Variants in ABCE1 observed in about 807,000 individuals in gnomAD.
ABCE1 encodes ATP-binding cassette sub-family E member 1.
A neutral mutation model predicts 83.4 loss-of-function variants in ABCE1; 22 were observed. The ratio of observed to expected loss-of-function variants is 0.26; its 90% CI spans 0.19 to 0.38. ABCE1 has a LOEUF of 0.38. Ranked by LOEUF, ABCE1 falls within the 10% of genes least tolerant of loss-of-function variation. The pLI is 1.00. For synonymous variants in ABCE1, 204 were observed against 233.7 expected (o/e 0.87, Z 1.16); for missense variants, 330 against 721.9 (o/e 0.46, Z 6.22).
intron 5 of ABCE1, 59 bp from the exon 6 acceptor site, chr4:145,110,044 T>C: frequency 7.8e-6 from 11 of 1,406,640 alleles, no homozygotes; most frequent in Non-Finnish European, 9.6e-6. Context: ...GTAGCATTCA[T>C]CCTCTTTGTC....
intron 4 of ABCE1, among the ~76,000 whole-genome samples, chr4:145,108,493 C>G (rs1001656349): frequency 2.0e-5 from 3 of 152,104 alleles, no homozygotes; most frequent in South Asian, 2.1e-4. Flanking sequence ...TTTTGTTTAT[C>G]CATTAATCTT....
At chr4:145,126,599 TTC>T (rs1749895058) in intron 17 of ABCE1, among the ~76,000 whole-genome samples, 1 of 152,182 alleles carries the variant, frequency 6.6e-6, no homozygotes, top group Non-Finnish European at 1.5e-5. Flanking sequence ...TGGCCATCAT[TTC>T]TGTTTTTAAT....
At chr4:145,110,922 G>A in intron 7 of ABCE1, 46 bp from the exon 8 acceptor site, 3 of 1,299,798 alleles carry the variant, frequency 2.3e-6, no homozygotes, top group South Asian at 1.3e-5. Context: ...TTTTTACCTG[G>A]AAGAGGTGAA....
At chr4:145,110,703 C>A in intron 7 of ABCE1, 1 of 542,926 alleles carries the variant, frequency 1.8e-6, no homozygotes, top group Non-Finnish European at 3.2e-6. Flanking sequence ...TCTCGAACTC[C>A]CACCTGCCTC....
At chr4:145,109,953 G>C (rs571664840) in intron 5 of ABCE1, 150 bp from the exon 6 acceptor site, 2 of 668,146 alleles carry the variant, frequency 3.0e-6, no homozygotes, top group South Asian at 5.4e-5. Flanking sequence ...ATAGGGAAAT[G>C]AGACTTTTAT....
intron 3 of ABCE1, among the ~76,000 whole-genome samples, chr4:145,106,526 C>G (rs1010700646): frequency 6.6e-6 from 1 of 151,868 alleles, no homozygotes; most frequent in Non-Finnish European, 1.5e-5. Context: ...AGTATCTATT[C>G]TGTTTTCTCT....
intron 11 of ABCE1, among the ~76,000 whole-genome samples, chr4:145,120,582 T>C (rs900126285): frequency 1.3e-5 from 2 of 152,074 alleles, no homozygotes; most frequent in Admixed American, 6.5e-5. Flanking sequence ...AATAATTGTA[T>C]TACCAGCATA....
chr4:145,123,730 C>G, intron 16 of ABCE1, 130 bp downstream of exon 16: 1 of 922,250 alleles, frequency 1.1e-6, no homozygotes, highest in Non-Finnish European at 1.6e-6. Flanking sequence ...CTCCTGAGAT[C>G]ATTGGTATTG....
chr4:145,109,278 TATC>T, intron 5 of ABCE1, 29 bp downstream of exon 5: 2 of 1,343,316 alleles, frequency 1.5e-6, no homozygotes, highest in East Asian at 2.4e-5. Context: ...TAAAAATTAA[TATC>T]ATGAGTCAGT....
At chr4:145,110,776 T>A (rs1749449310) in intron 7 of ABCE1, 192 bp from the exon 8 acceptor site, 1 of 557,022 alleles carries the variant, frequency 1.8e-6, no homozygotes, top group South Asian at 2.5e-5. Context: ...TGTGTATATA[T>A]TTCAATAGGC....
rs375365194 is a variant in ABCE1, at chr4:145,127,252, CAT to C, written c.1753-272_1753-271del. Reference sequence around the variant, plus strand: ...AATAGTTTTCCTAGAAATAATAACACATAGCAAAATTTTATATATGTGAGGCA... The same window carrying C: ...AATAGTTTTCCTAGAAATAATAACACAGCAAAATTTTATATATGTGAGGCA... On this transcript the variant is annotated intron_variant, in intron 17 of 17. Transcript: ENST00000296577. Among the ~76,000 whole-genome samples, 6 of 152,254 alleles carry C rather than the reference CAT, an allele frequency of 3.9e-5. No homozygotes were observed. The East Asian group carries it at 7.7e-4, about 20-fold the overall frequency.
chr4:145,126,066 A>G (rs1286416305), intron 17 of ABCE1, among the ~76,000 whole-genome samples: 1 of 152,102 alleles, frequency 6.6e-6, no homozygotes, highest in African/African-American at 2.4e-5. Context: ...AACCCCCGCA[A>G]AAAAAGTATA....
At chr4:145,124,559 A>G (rs542117512) in intron 16 of ABCE1, among the ~76,000 whole-genome samples, 155 of 152,306 alleles carry the variant, frequency 1.0e-3, no homozygotes, top group African/African-American at 3.4e-3. Context: ...TTAGAAAGGA[A>G]TTGTCACTGA....
Position 145,124,977 on chromosome 4 carries a change from T to C in ABCE1, c.1641-13T>C, listed in dbSNP as rs1749840921. 6.4e-7 allele frequency: 1 copy of C among 1,562,772 alleles called. No homozygotes were observed. On this transcript the variant is annotated splice_polypyrimidine_tract_variant and intron_variant, in intron 16 of 17. Coordinates refer to ENST00000296577, the MANE Select transcript of ABCE1 (RefSeq NM_002940.3). ...TAAAATTTAATCAAAATTGATTTTT[T>C]TTTTTCTCTTAGTCCTCAAACCCTT...
intron 5 of ABCE1, 65 bp from the exon 6 acceptor site, chr4:145,110,038 C>G: frequency 7.3e-7 from 1 of 1,361,620 alleles, no homozygotes; most frequent in South Asian, 1.5e-5. Context: ...TTTCCTGTAG[C>G]ATTCATCCTC....
At chr4:145,109,975 G>A (rs901843538) in intron 5 of ABCE1, 128 bp from the exon 6 acceptor site, 12 of 749,904 alleles carry the variant, frequency 1.6e-5, no homozygotes, top group African/African-American at 7.4e-5. Context: ...AATTATGTTC[G>A]CCTCCAACCT....
At chr4:145,110,883 C>A in intron 7 of ABCE1, 85 bp from the exon 8 acceptor site, 2 of 850,280 alleles carry the variant, frequency 2.4e-6, no homozygotes, top group South Asian at 1.9e-5. Flanking sequence ...AAATAGCATT[C>A]AAACTTCAAA....
chr4:145,108,129 G>A lies in ABCE1; in HGVS notation c.287+17G>A, dbSNP rs2126702479. The A allele has an allele frequency of 6.3e-7, 1 of 1,599,916 alleles. No homozygotes were observed. The highest frequency in any genetic ancestry group is 8.6e-7 in the Non-Finnish European group (1 of 1,168,494). On this transcript the variant is annotated intron_variant, in intron 4 of 17. Coordinates refer to ENST00000296577, the MANE Select transcript of ABCE1 (RefSeq NM_002940.3). The stretch of plus-strand genomic sequence containing the variant: ...ACTTCACAGGTATATTTTCACATCA[G>A]GATTCCTCTTCTGTCAAGTTAAGAG...
At chr4:145,123,154 ATTTTT>A in intron 14 of ABCE1, 23 bp downstream of exon 14, 2 of 1,578,734 alleles carry the variant, frequency 1.3e-6, no homozygotes, top group Non-Finnish European at 1.7e-6. Context: ...AATTTTTTTT[ATTTTT>A]TTATTATTTT....
Sources: gnomAD v4.1 joint callset for allele counts (sites outside exome capture counted in the v4.1 genomes callset) on GRCh38, gnomAD v4.1.1 for gene constraint, MANE v1.5 for transcripts, NCBI Gene and HGNC (gene_info 2026-07-23, HGNC 2026-07-21) for gene names.